Variants in PARP3 observed in about 807,000 individuals in gnomAD.
The protein encoded by PARP3 is poly(ADP-ribose) polymerase family member 3.
In PARP3, 46 loss-of-function variants were observed where a neutral mutation model predicts 58.2. That is an observed-to-expected ratio of 0.79 (90% CI 0.62 to 1.01). PARP3 has a LOEUF of 1.01. Among genes scored for constraint, PARP3 ranks in the 50% least tolerant of loss-of-function variants. The pLI is 0.00. For synonymous variants in PARP3, 252 were observed against 266.4 expected (o/e 0.95, Z 0.53); for missense variants, 663 against 683.9 (o/e 0.97, Z 0.34).
In PARP3 at chr3:51,946,243, C is replaced by T. The variant is rs370560805; in HGVS notation, c.1176C>T (p.Ala392=). 874 of 1,613,884 alleles carry T rather than the reference C, an allele frequency of 5.4e-4. No homozygotes were observed. Among genetic ancestry groups the T allele is most frequent in the Non-Finnish European group, 7.1e-4 (835 of 1,179,910 alleles). Residue 392 remains alanine (A), a synonymous_variant, in exon 9 of 11, where the codon GCC becomes GCT. Coordinates refer to ENST00000398755, the MANE Select transcript of PARP3 (RefSeq NM_001003931.4). The surrounding 1 kb of genome is among the most constrained non-coding windows in gnomAD (Gnocchi z 4.6). ...ATGGCACCAACATGGCCGTGGTGGCCGCCATCCTCACTAGTGGGCTCCGCA... is the reference window on the plus strand; with the variant it reads ...ATGGCACCAACATGGCCGTGGTGGCTGCCATCCTCACTAGTGGGCTCCGCA... ...LWHGTNMAVV[A]AILTSGLRIM...
At chr3:51,942,773 CTCTA>C (rs1699575498) in intron 1 of PARP3, 65 bp downstream of exon 1, 1 of 1,542,952 alleles carries the variant, frequency 6.5e-7, no homozygotes, top group African/African-American at 1.4e-5. Flanking sequence ...GGCCTTTGCC[CTCTA>C]TCAGTTCAAG....
Position 51,945,567 on chromosome 3 carries a change from C to T in PARP3, c.934C>T (p.Pro312Ser), listed in dbSNP as rs1267960887. The stretch of plus-strand genomic sequence containing the variant: ...GCAGGAGAAGACGGTGGAGGAGGTG[C>T]CACACCCCCTGGACCGAGACTACCA... Reference protein sequence around the residue: ...SEQEKTVEEVPHPLDRDYQLL... With the variant: ...SEQEKTVEEVSHPLDRDYQLL... The change falls in exon 7 of 11, where the codon CCA becomes TCA. Residue 312 changes from proline to serine, a missense_variant. By Grantham distance (74) the Pro-to-Ser change is moderately conservative. This residue lies in a region of PARP3 where 567 missense variants were observed against 553.6 expected (regional missense o/e 1.02). Coordinates refer to ENST00000398755, the MANE Select transcript of PARP3 (RefSeq NM_001003931.4). 1.9e-6 allele frequency: 3 copies of T among 1,613,664 alleles called. No individual in the cohort carries two copies. Among genetic ancestry groups the T allele is most frequent in the Non-Finnish European group, 2.5e-6 (3 of 1,179,920 alleles).
At chr3:51,947,664 T>C (rs1362175861) in intron 9 of PARP3, 76 bp from the exon 10 acceptor site, 18 of 1,504,882 alleles carry the variant, frequency 1.2e-5, no homozygotes, top group Non-Finnish European at 1.6e-5. Flanking sequence ...AGGAATAACA[T>C]CGCAGCAGAG....
Position 51,945,175 on chromosome 3 carries a change from C to G in PARP3, c.812C>G (p.Pro271Arg). Residue 271 changes from proline to arginine, a missense_variant, in exon 6 of 11, where the codon CCG becomes CGG. Around this residue, in one of 3 missense-constraint regions of PARP3, gnomAD observed 567 missense variants for 553.6 expected, o/e 1.02. Transcript: ENST00000398755. ...IPHNFGHSQP[P>R]PINSPELLQA... ...CACAACTTCGGCCACAGCCAGCCCC[C>G]GCCCATCAATTCCCCTGAGCTTCTG... is the stretch of plus-strand genomic sequence containing the variant. 1.2e-6 allele frequency: 2 copies of G among 1,614,030 alleles called. No individual in the cohort carries two copies. Among genetic ancestry groups the G allele is most frequent in the South Asian group, 1.1e-5 (1 of 91,078 alleles).
intron 1 of PARP3, 83 bp downstream of exon 1, chr3:51,942,791 A>G (rs374352959): frequency 3.6e-4 from 547 of 1,518,416 alleles, no homozygotes; most frequent in Middle Eastern, 1.5e-3. Context: ...GTTCAAGGCC[A>G]CTGATCCGGA....
chr3:51,948,243 C>T, intron 10 of PARP3, 68 bp from the exon 11 acceptor site: 1 of 1,459,170 alleles, frequency 6.9e-7, no homozygotes, highest in Non-Finnish European at 9.4e-7. Flanking sequence ...GCATAGGGGG[C>T]AGGACTTACT....
Position 51,946,113 on chromosome 3 carries a change from C to T in PARP3, c.1099-53C>T, listed in dbSNP as rs1026999509. The T allele has an allele frequency of 7.3e-6, 11 of 1,511,444 alleles. No individual in the cohort carries two copies. The highest frequency in any genetic ancestry group is 1.8e-5 in the Admixed American group (1 of 56,756). The allele number at this position is 1,511,444 out of a possible 1,614,324, so 93.6% of individuals were successfully genotyped here. A position where few individuals can be genotyped will look rare whatever the true frequency, so the allele number is the denominator to read the frequency against. On this transcript the variant is annotated intron_variant, in intron 8 of 10. Transcript: ENST00000398755. The surrounding 1 kb of genome is among the most constrained non-coding windows in gnomAD (Gnocchi z 4.6). ...CTTGGTCACAAGCAGCAGGGCAAGGCGACTGAGTGCTCGGGTGGCATCACT... is the reference window on the plus strand; with the variant it reads ...CTTGGTCACAAGCAGCAGGGCAAGGTGACTGAGTGCTCGGGTGGCATCACT...
Position 51,944,989 on chromosome 3 carries a change from T to TC in PARP3, c.635-4dup. 6.2e-7 allele frequency: 1 copy of TC among 1,613,056 alleles called. No individual in the cohort carries two copies. The highest frequency in any genetic ancestry group is 2.2e-5 in the East Asian group (1 of 44,844). On this transcript the variant is annotated splice_polypyrimidine_tract_variant and intron_variant, in intron 5 of 10. Coordinates refer to ENST00000398755, the MANE Select transcript of PARP3 (RefSeq NM_001003931.4). The surrounding 1 kb of genome is among the most constrained non-coding windows in gnomAD (Gnocchi z 4.2). Reference sequence around the variant, plus strand: ...GGGGCTGAGTCTCCCCACTCCCCTGTCCCCCTAGATGTGAAGAAGATGCCC... The same window carrying TC: ...GGGGCTGAGTCTCCCCACTCCCCTGTCCCCCCTAGATGTGAAGAAGATGCCC...
rs372100034 is a variant in PARP3 at position 51,944,602 on chromosome 3, C to T, written c.501+24C>T. Reference sequence around the variant, plus strand: ...AGGTGAGATGGCCAAGGAAGGTGGGCAGGCCCTGGACTGAGGGAGGGGACT... The same window carrying T: ...AGGTGAGATGGCCAAGGAAGGTGGGTAGGCCCTGGACTGAGGGAGGGGACT... On this transcript the variant is annotated intron_variant, in intron 4 of 10. Coordinates refer to ENST00000398755, the MANE Select transcript of PARP3 (RefSeq NM_001003931.4). This position sits in a 1 kb window ranked among gnomAD's most constrained non-coding sequence, Gnocchi z 4.2. 3.2e-5 allele frequency: 51 copies of T among 1,612,052 alleles called. No individual in the cohort carries two copies. The highest frequency in any genetic ancestry group is 4.1e-5 in the Non-Finnish European group (48 of 1,178,528).
chr3:51,948,619 A>G lies in PARP3; in HGVS notation c.*139A>G. 1.3e-6 allele frequency: 1 copy of G among 759,320 alleles called. No homozygotes were observed. Among genetic ancestry groups the G allele is most frequent in the Admixed American group, 2.9e-5 (1 of 34,226 alleles). The allele number at this position is 759,320 out of a possible 1,614,324, so 47.0% of individuals were successfully genotyped here. A position where few individuals can be genotyped will look rare whatever the true frequency, so the allele number is the denominator to read the frequency against. ...GTTAACTATAGTCACCATGCTGTAC[A>G]AGATCCCTGAACTTATGCCTCCTAA... On this transcript the variant is annotated 3_prime_UTR_variant, in exon 11 of 11. Transcript: ENST00000398755.
Position 51,948,382 on chromosome 3 carries a change from T to C in PARP3, c.1504T>C (p.Cys502Arg). ...GGTGCCCCAGGGCCAGCCTGTGCCC[T>C]GCCCAGAGTTCAGCAGCTCCACATT... Reference protein sequence around the residue: ...VVVPQGQPVPCPEFSSSTFSQ... With the variant: ...VVVPQGQPVPRPEFSSSTFSQ... The change falls in exon 11 of 11, where the codon TGC becomes CGC. Residue 502 changes from cysteine (C) to arginine (R), a missense_variant. Coordinates refer to ENST00000398755, the MANE Select transcript of PARP3 (RefSeq NM_001003931.4). The C allele has an allele frequency of 6.2e-7, 1 of 1,614,098 alleles. No individual in the cohort carries two copies. The highest frequency in any genetic ancestry group is 8.5e-7 in the Non-Finnish European group (1 of 1,179,940).
At chr3:51,943,855 A>G (rs1211707257) in intron 2 of PARP3, among the ~76,000 whole-genome samples, 1 of 147,116 alleles carries the variant, frequency 6.8e-6, no homozygotes, top group Non-Finnish European at 1.5e-5. Flanking sequence ...TCCCCCATCC[A>G]GGGCCCAGCT....
chr3:51,947,969 G>C, intron 10 of PARP3, 74 bp downstream of exon 10: 6 of 1,405,616 alleles, frequency 4.3e-6, no homozygotes, highest in Non-Finnish European at 4.9e-6. Flanking sequence ...TTTCAGGGAG[G>C]GGGCTGTGAA....
Position 51,943,410 on chromosome 3 carries a change from G to T in PARP3, c.55G>T (p.Gly19Cys). 12 of 1,604,158 alleles carry T rather than the reference G, an allele frequency of 7.5e-6. No individual in the cohort carries two copies. Among genetic ancestry groups the T allele is most frequent in the Non-Finnish European group, 1.0e-5 (12 of 1,176,284 alleles). ...VQTEGPEKKK[G>C]RQAGREEDPF... Reference sequence around the variant, plus strand: ...GACTGAGGGCCCTGAGAAGAAGAAGGGCCGGCAGGCAGGAAGGGAGGAGGA... The same window carrying T: ...GACTGAGGGCCCTGAGAAGAAGAAGTGCCGGCAGGCAGGAAGGGAGGAGGA... Residue 19 changes from glycine to cysteine, a missense_variant, in exon 2 of 11, where the codon GGC becomes TGC. Gly to Cys is a radical substitution (Grantham distance 159). This residue lies in a region of PARP3 where 567 missense variants were observed against 553.6 expected (regional missense o/e 1.02). Coordinates refer to ENST00000398755, the MANE Select transcript of PARP3 (RefSeq NM_001003931.4).
Position 51,945,203 on chromosome 3 carries a change from G to C in PARP3, c.840G>C (p.Gln280His). ...CCATCAATTCCCCTGAGCTTCTGCA[G>C]GCCAAGAAGGACATGCTGCTGGTGA... ...PPPINSPELL[Q>H]AKKDMLLVLA... is the part of the protein sequence containing the mutation. Residue 280 changes from glutamine to histidine, a missense_variant, in exon 6 of 11, where the codon CAG (glutamine) becomes CAC (histidine). Around this residue, in one of 3 missense-constraint regions of PARP3, gnomAD observed 567 missense variants for 553.6 expected, o/e 1.02. Transcript: ENST00000398755. 3 of 1,613,900 alleles carry C rather than the reference G, an allele frequency of 1.9e-6. No individual in the cohort carries two copies. Among genetic ancestry groups the C allele is most frequent in the Non-Finnish European group, 2.5e-6 (3 of 1,180,008 alleles).
intron 6 of PARP3, 114 bp downstream of exon 6, chr3:51,945,338 G>A: frequency 2.2e-6 from 3 of 1,371,042 alleles, no homozygotes; most frequent in Non-Finnish European, 3.0e-6. Context: ...GCCTGGGCAG[G>A]CTGACAGACG....
At chr3:51,942,964 G>A (rs1699579923) in intron 1 of PARP3, 4 of 1,408,826 alleles carry the variant, frequency 2.8e-6, no homozygotes, top group Non-Finnish European at 3.7e-6. Context: ...TGCCAGGGCT[G>A]AACTAGCTGA....
At chr3:51,947,679 G>C (rs1028674690) in intron 9 of PARP3, 61 bp from the exon 10 acceptor site, 1 of 1,591,820 alleles carries the variant, frequency 6.3e-7, no homozygotes, top group Admixed American at 1.7e-5. Flanking sequence ...GCAGAGAGGG[G>C]CCCCACAGGT....
Position 51,944,088 on chromosome 3 carries a change from G to A in PARP3, c.184-1G>A. 6.2e-7 allele frequency: 1 copy of A among 1,611,134 alleles called. No individual in the cohort carries two copies. Among genetic ancestry groups the A allele is most frequent in the Non-Finnish European group, 8.5e-7 (1 of 1,178,866 alleles). On this transcript the variant is annotated splice_acceptor_variant, in intron 2 of 10. Coordinates refer to ENST00000398755, the MANE Select transcript of PARP3 (RefSeq NM_001003931.4). LOFTEE classifies it high-confidence loss of function. The surrounding 1 kb of genome is among the most constrained non-coding windows in gnomAD (Gnocchi z 4.2). ...TGCCCCCCACCTCCCCTCTGGCCCAGGTGTATGAGGACTACAACTGCACCC... is the reference window on the plus strand; with the variant it reads ...TGCCCCCCACCTCCCCTCTGGCCCAAGTGTATGAGGACTACAACTGCACCC...
Sources: gnomAD v4.1 joint callset for allele counts (sites outside exome capture counted in the v4.1 genomes callset) on GRCh38, gnomAD v4.1.1 for gene constraint, gnomAD v4.1.1 regional missense constraint, Gnocchi (gnomAD v3.1) non-coding constraint, MANE v1.5 for transcripts, NCBI Gene and HGNC (gene_info 2026-07-23, HGNC 2026-07-21) for gene names.